Variants in JHY observed in about 807,000 individuals in gnomAD.
JHY encodes junctional cadherin complex regulator.
A neutral mutation model predicts 78.0 loss-of-function variants in JHY; 69 were observed. That is an observed-to-expected ratio of 0.88 (90% CI 0.73 to 1.08). The LOEUF is 1.08. JHY is among the 50% of genes least tolerant of loss of function. The pLI is 0.00. For missense variants in JHY, 944 were observed against 927.8 expected, an observed-to-expected ratio of 1.02 and a Z score of -0.23; for synonymous variants, 368 against 342.6, an observed-to-expected ratio of 1.07 and a Z score of -0.82.
intron 6 of JHY, among the ~76,000 whole-genome samples, chr11:122,949,592 C>T (rs1403548604): frequency 2.0e-5 from 3 of 152,160 alleles, no homozygotes; most frequent in African/African-American, 7.2e-5. Context: ...TCTTGAGCCC[C>T]TCTGTGTACC....
intron 6 of JHY, among the ~76,000 whole-genome samples, chr11:122,949,118 C>T (rs114508804): frequency 0.011 from 1,658 of 150,668 alleles, 31 homozygotes; most frequent in African/African-American, 0.038. Context: ...GCAATTCAGG[C>T]GGGAGTACCA....
At position 122,946,640 on chromosome 11, in the gene JHY, C is replaced by T; in HGVS notation, c.1777C>T (p.Leu593Phe). 3 of 1,614,158 alleles carry T rather than the reference C, an allele frequency of 1.9e-6. No homozygotes were observed. The highest frequency in any genetic ancestry group is 2.5e-6 in the Non-Finnish European group (3 of 1,180,030). ...TGAAGGGGCCTTATCCAGCGTCACG[C>T]TTCCACCTATACTGTCAAGGGTAGA... ...PSEGALSSVT[L>F]PPILSRVESE... The change falls in exon 6 of 9, where the codon CTT becomes TTT. Residue 593 changes from leucine (L) to phenylalanine (F), a missense_variant. Leu to Phe is a conservative substitution (Grantham distance 22, BLOSUM62 0). Transcript: ENST00000227349.
intron 3 of JHY, among the ~76,000 whole-genome samples, chr11:122,915,990 G>A (rs777743331): frequency 6.6e-6 from 1 of 151,848 alleles, no homozygotes; most frequent in African/African-American, 2.4e-5. Flanking sequence ...AAGATTTCAT[G>A]GAGGTAAAAG....
chr11:122,951,187 A>G (rs145224344), intron 6 of JHY, among the ~76,000 whole-genome samples: 1 of 152,332 alleles, frequency 6.6e-6, no homozygotes, highest in Non-Finnish European at 1.5e-5. Context: ...AATAGGCCCA[A>G]GCACCCTTCC....
chr11:122,892,648 A>G (rs1862649566), intron 2 of JHY, among the ~76,000 whole-genome samples: 1 of 152,104 alleles, frequency 6.6e-6, no homozygotes, highest in Non-Finnish European at 1.5e-5. Flanking sequence ...ATTGTTGTAT[A>G]TAATTGTTTC....
chr11:122,946,441 A>C (rs1171358090), intron 5 of JHY, 57 bp from the exon 6 acceptor site: 2 of 1,499,032 alleles, frequency 1.3e-6, no homozygotes, highest in Non-Finnish European at 1.8e-6. Context: ...TTTATGCTAG[A>C]TGTCTTATGT....
At chr11:122,931,493 C>T (rs1311591891) in intron 4 of JHY, among the ~76,000 whole-genome samples, 7 of 152,200 alleles carry the variant, frequency 4.6e-5, no homozygotes, top group African/African-American at 1.7e-4. Context: ...TCCTTACCCA[C>T]AGAGAAAATC....
At chr11:122,929,322 A>G (rs1465144994) in intron 4 of JHY, among the ~76,000 whole-genome samples, 1 of 151,862 alleles carries the variant, frequency 6.6e-6, no homozygotes, top group East Asian at 1.9e-4. Context: ...ATTATAATGC[A>G]GTAATATGGA....
chr11:122,907,583 G>A (rs901781147), intron 3 of JHY, among the ~76,000 whole-genome samples: 5 of 152,174 alleles, frequency 3.3e-5, no homozygotes, highest in East Asian at 1.9e-4. Context: ...GGTGGCTCAC[G>A]CCTGTAATCC....
At chr11:122,932,027 G>A (rs964032597) in intron 4 of JHY, among the ~76,000 whole-genome samples, 4 of 152,262 alleles carry the variant, frequency 2.6e-5, no homozygotes, top group East Asian at 3.9e-4. Context: ...CAGCGACTGC[G>A]GGTGTTGGTA....
rs78420388 is a variant in JHY at position 122,885,112 on chromosome 11, C to T, written c.-89-649C>T. 5.4e-3 allele frequency among the ~76,000 whole-genome samples: 816 copies of T among 151,540 alleles called. 7 individuals carry two copies. The highest frequency in any genetic ancestry group is 0.019 in the African/African-American group (783 of 41,310). Reference sequence around the variant, plus strand: ...GGCGTGATTGTTGAACAGTTTTAATCGTTATTATGGGTTTTAAAAAATACC... The same window carrying T: ...GGCGTGATTGTTGAACAGTTTTAATTGTTATTATGGGTTTTAAAAAATACC... On this transcript the variant is annotated intron_variant, in intron 1 of 8. Coordinates refer to ENST00000227349, the MANE Select transcript of JHY (RefSeq NM_024806.4).
chr11:122,885,404 A>C (rs190712726), intron 1 of JHY, among the ~76,000 whole-genome samples: 3 of 152,304 alleles, frequency 2.0e-5, no homozygotes, highest in Non-Finnish European at 2.9e-5. Context: ...TTATTTGGGC[A>C]TTTGAAATAA....
chr11:122,942,482 G>C (rs952233105), intron 5 of JHY, among the ~76,000 whole-genome samples: 3 of 152,068 alleles, frequency 2.0e-5, no homozygotes, highest in Non-Finnish European at 4.4e-5. Flanking sequence ...GGAGTGCATT[G>C]GCATGATCTT....
intron 8 of JHY, chr11:122,958,703 C>T: frequency 1.0e-6 from 1 of 981,692 alleles, no homozygotes. Flanking sequence ...GAACTGACAT[C>T]ACTGAGAAAA....
intron 1 of JHY, 50 bp from the exon 2 acceptor site, chr11:122,885,711 G>C: frequency 1.6e-6 from 1 of 638,804 alleles, no homozygotes; most frequent in Non-Finnish European, 2.7e-6. Flanking sequence ...AACGTTGACA[G>C]TATTGAGATT....
At chr11:122,922,723 T>C (rs978683649) in intron 3 of JHY, among the ~76,000 whole-genome samples, 4 of 143,922 alleles carry the variant, frequency 2.8e-5, no homozygotes, top group African/African-American at 1.0e-4. Context: ...GGCAGGAGAA[T>C]GGCGTGAACC....
rs375183404 is a variant in JHY at position 122,957,417 on chromosome 11, A to G, written c.2065A>G (p.Met689Val). 2 of 1,538,234 alleles carry G rather than the reference A, an allele frequency of 1.3e-6. No individual in the cohort carries two copies. Among genetic ancestry groups the G allele is most frequent in the East Asian group, 2.5e-5 (1 of 39,454 alleles). Reference sequence around the variant, plus strand: ...TGCAAAACAAGTCAAGGAGTACAACATGAAGACACTATCCATTCTATCAAA... The same window carrying G: ...TGCAAAACAAGTCAAGGAGTACAACGTGAAGACACTATCCATTCTATCAAA... ...EYAKQVKEYN[M>V]KTLSILSKPQ... The change falls in exon 8 of 9, where the codon ATG becomes GTG. Residue 689 changes from methionine (M) to valine (V), a missense_variant. Transcript: ENST00000227349.
intron 2 of JHY, 148 bp from the exon 3 acceptor site, chr11:122,903,777 C>A: frequency 8.6e-7 from 1 of 1,157,770 alleles, no homozygotes. Flanking sequence ...CCACTGCACG[C>A]TGCTGGGATT....
chr11:122,897,065 C>T (rs933912674), intron 2 of JHY, among the ~76,000 whole-genome samples: 5 of 151,802 alleles, frequency 3.3e-5, no homozygotes, highest in Non-Finnish European at 7.4e-5. Flanking sequence ...CCATGTTGGC[C>T]GTGCTGATCT....
Sources: gnomAD v4.1 joint callset for allele counts (sites outside exome capture counted in the v4.1 genomes callset) on GRCh38, gnomAD v4.1.1 for gene constraint, MANE v1.5 for transcripts, NCBI Gene and HGNC (gene_info 2026-07-23, HGNC 2026-07-21) for gene names.